Variants in GNG12 observed in about 807,000 individuals in gnomAD.
The protein encoded by GNG12 is guanine nucleotide-binding protein G(I)/G(S)/G(O) subunit gamma-12.
For synonymous variants in GNG12, 28 were observed against 29.7 expected (o/e 0.94, Z 0.19); for missense variants, 69 against 83.8 (o/e 0.82, Z 0.69).
intron 1 of GNG12, among the ~76,000 whole-genome samples, chr1:67,781,039 G>A (rs1373214114): frequency 1.3e-5 from 2 of 152,156 alleles, no homozygotes; most frequent in Non-Finnish European, 2.9e-5. Context: ...TGAACTTGTA[G>A]AAGAATACTT....
intron 2 of GNG12, among the ~76,000 whole-genome samples, chr1:67,729,814 G>A (rs924767051): frequency 2.6e-5 from 4 of 152,144 alleles, no homozygotes; most frequent in Non-Finnish European, 4.4e-5. Flanking sequence ...AGGGCTTCCT[G>A]AGATAATTTG....
At chr1:67,779,547 T>C (rs1286354685) in intron 1 of GNG12, among the ~76,000 whole-genome samples, 1 of 152,138 alleles carries the variant, frequency 6.6e-6, no homozygotes, top group African/African-American at 2.4e-5. Flanking sequence ...GTGGATTCTG[T>C]TCTTTCTGCC....
intron 1 of GNG12, among the ~76,000 whole-genome samples, chr1:67,798,303 T>G (rs1371228919): frequency 6.6e-6 from 1 of 152,138 alleles, no homozygotes; most frequent in Non-Finnish European, 1.5e-5. Flanking sequence ...ATCTAGGTTG[T>G]ACACTCCTTA....
intron 2 of GNG12, among the ~76,000 whole-genome samples, chr1:67,776,914 G>A (rs576909107): frequency 2.7e-4 from 41 of 152,076 alleles, no homozygotes; most frequent in Admixed American, 9.2e-4. Flanking sequence ...ATGAAGCCCC[G>A]GAAGCTTTCT....
At chr1:67,707,883 T>C (rs1646259352) in intron 2 of GNG12, among the ~76,000 whole-genome samples, 171 bp from the exon 3 acceptor site, 1 of 152,258 alleles carries the variant, frequency 6.6e-6, no homozygotes, top group South Asian at 2.1e-4. Flanking sequence ...CCTAGGTATC[T>C]AAGTTTGTCA....
At chr1:67,745,191 A>C (rs1646501489) in intron 2 of GNG12, among the ~76,000 whole-genome samples, 2 of 152,224 alleles carry the variant, frequency 1.3e-5, no homozygotes, top group Non-Finnish European at 2.9e-5. Flanking sequence ...ACGACAAATA[A>C]ACCAGGGTAA....
intron 2 of GNG12, among the ~76,000 whole-genome samples, chr1:67,737,659 T>C (rs1646459988): frequency 6.6e-6 from 1 of 152,162 alleles, no homozygotes; most frequent in Admixed American, 6.5e-5. Flanking sequence ...GCTCCAAAGA[T>C]AGCTGTCTTT....
At chr1:67,812,081 G>T (rs1570568862) in intron 1 of GNG12, among the ~76,000 whole-genome samples, 1 of 152,170 alleles carries the variant, frequency 6.6e-6, no homozygotes, top group Non-Finnish European at 1.5e-5. Flanking sequence ...CTTAGGGAAT[G>T]CCAAGTTAAG....
At chr1:67,776,340 G>A (rs1381368662) in intron 2 of GNG12, among the ~76,000 whole-genome samples, 1 of 152,128 alleles carries the variant, frequency 6.6e-6, no homozygotes, top group South Asian at 2.1e-4. Context: ...CACTATAGCA[G>A]ATTGCCAAAA....
chr1:67,759,813 A>C (rs1178061938), intron 2 of GNG12, among the ~76,000 whole-genome samples: 1 of 151,832 alleles, frequency 6.6e-6, no homozygotes, highest in Non-Finnish European at 1.5e-5. Flanking sequence ...ACTTCCCTCC[A>C]CTCTGGGTCC....
intron 1 of GNG12, among the ~76,000 whole-genome samples, chr1:67,781,419 T>C (rs1646736862): frequency 6.6e-6 from 1 of 152,202 alleles, no homozygotes. Flanking sequence ...TGGTTGTAGG[T>C]GCTGGAGATG....
chr1:67,741,654 TA>T (rs1241924040), intron 2 of GNG12, among the ~76,000 whole-genome samples: 3 of 152,254 alleles, frequency 2.0e-5, no homozygotes, highest in Non-Finnish European at 4.4e-5. Flanking sequence ...GATACTAGAA[TA>T]AATTATTTAA....
At chr1:67,808,294 A>C (rs1169509492) in intron 1 of GNG12, among the ~76,000 whole-genome samples, 2 of 152,212 alleles carry the variant, frequency 1.3e-5, no homozygotes, top group East Asian at 3.9e-4. Flanking sequence ...TGTAAACTAA[A>C]AATAGAGGGG....
At chr1:67,749,796 C>T (rs1467301741) in intron 2 of GNG12, among the ~76,000 whole-genome samples, 1 of 152,178 alleles carries the variant, frequency 6.6e-6, no homozygotes, top group Non-Finnish European at 1.5e-5. Context: ...AACTTGTTCC[C>T]CTCTCCTGAT....
intron 2 of GNG12, among the ~76,000 whole-genome samples, chr1:67,728,419 C>A (rs751212475): frequency 6.6e-6 from 1 of 152,212 alleles, no homozygotes; most frequent in African/African-American, 2.4e-5. Context: ...TCGTCCCCAA[C>A]AAAGGAGAAC....
intron 1 of GNG12, among the ~76,000 whole-genome samples, chr1:67,783,187 C>T (rs1646747031): frequency 6.6e-6 from 1 of 152,162 alleles, no homozygotes; most frequent in African/African-American, 2.4e-5. Flanking sequence ...AGTATTTCTA[C>T]ACATAGACAT....
At chr1:67,748,335 T>G (rs917106954) in intron 2 of GNG12, among the ~76,000 whole-genome samples, 3 of 152,116 alleles carry the variant, frequency 2.0e-5, no homozygotes, top group Non-Finnish European at 4.4e-5. Flanking sequence ...CAATCAAAGG[T>G]CAATCAGATA....
chr1:67,808,264 A>AT (rs1019776779), intron 1 of GNG12, among the ~76,000 whole-genome samples: 15 of 151,984 alleles, frequency 9.9e-5, no homozygotes, highest in African/African-American at 2.2e-4. Flanking sequence ...TCTATTCATG[A>AT]TTTTTTTTTA....
At chr1:67,730,033 A>T (rs1442328328) in intron 2 of GNG12, among the ~76,000 whole-genome samples, 1 of 152,236 alleles carries the variant, frequency 6.6e-6, no homozygotes, top group Non-Finnish European at 1.5e-5. Flanking sequence ...AGGTATTGGA[A>T]TGTTCACAGC....
Sources: gnomAD v4.1 joint callset for allele counts (sites outside exome capture counted in the v4.1 genomes callset) on GRCh38, gnomAD v4.1.1 for gene constraint, MANE v1.5 for transcripts, NCBI Gene and HGNC (gene_info 2026-07-23, HGNC 2026-07-21) for gene names.